Variants in CNTN5 observed in about 807,000 individuals in gnomAD.
CNTN5 encodes contactin 5, also known as contactin-5.
CNTN5 carries 77 observed loss-of-function variants against 129.1 expected under a neutral mutation model. The ratio of observed to expected loss-of-function variants is 0.60; its 90% confidence interval spans 0.50 to 0.72. The LOEUF is 0.72. Among genes scored for constraint, CNTN5 ranks in the 30% least tolerant of loss-of-function variants. The probability of loss-of-function intolerance (pLI) is 0.00; values close to 1 mark genes in which losing one functional copy is unlikely to be tolerated. For synonymous variants in CNTN5, 509 were observed against 465.6 expected, an observed-to-expected ratio of 1.09 and a Z score of -1.20; for missense variants, 1,478 against 1,328.8, an observed-to-expected ratio of 1.11 and a Z score of -1.75.
rs1162353167 is a variant in CNTN5 at position 99,389,011 on chromosome 11, T to TTTTAC, written c.-71+63531_-71+63532insCTTTA. On this transcript the variant is annotated intron_variant, in intron 2 of 24. Coordinates refer to ENST00000524871, the MANE Select transcript of CNTN5 (RefSeq NM_014361.4). ...TTTTATTTTATTTTATTTTATTTTA[T>TTTTAC]TTTATTTTATTTTATTTTATTTTAT... Among the ~76,000 whole-genome samples the TTTTAC allele has an allele frequency of 2.6e-4, 38 of 148,632 alleles. 1 individual carries two copies. In the Admixed American group the frequency reaches 2.6e-3, roughly 10 times the overall value.
chr11:99,349,071 A>G (rs915572211), intron 2 of CNTN5, among the ~76,000 whole-genome samples: 2 of 152,198 alleles, frequency 1.3e-5, no homozygotes, highest in Non-Finnish European at 2.9e-5. Context: ...AGATGGTGGT[A>G]AGTGCTATAG....
intron 9 of CNTN5, among the ~76,000 whole-genome samples, chr11:100,006,388 C>A (rs1417786741): frequency 6.6e-6 from 1 of 152,098 alleles, no homozygotes; most frequent in Non-Finnish European, 1.5e-5. Flanking sequence ...AGTAGAACTT[C>A]TTTCAAAATT....
At chr11:99,579,287 G>A (rs1369159390) in intron 3 of CNTN5, among the ~76,000 whole-genome samples, 1 of 150,220 alleles carries the variant, frequency 6.7e-6, no homozygotes, top group Non-Finnish European at 1.5e-5. Context: ...TTGTTCTTTT[G>A]GCTTAGGATT....
chr11:99,874,403 C>T (rs1033035238), intron 6 of CNTN5, among the ~76,000 whole-genome samples: 3 of 152,134 alleles, frequency 2.0e-5, no homozygotes, highest in African/African-American at 7.2e-5. Context: ...GTATTTCCCA[C>T]ACATTGGCAG....
intron 3 of CNTN5, among the ~76,000 whole-genome samples, chr11:99,732,587 A>G (rs546854204): frequency 6.6e-6 from 1 of 152,348 alleles, no homozygotes; most frequent in Non-Finnish European, 1.5e-5. Context: ...CAGGTAAAGC[A>G]TCAGCTAAAG....
intron 1 of CNTN5, among the ~76,000 whole-genome samples, chr11:99,141,614 A>G (rs962826587): frequency 2.0e-5 from 3 of 152,102 alleles, no homozygotes; most frequent in African/African-American, 7.2e-5. Context: ...TGAGATCTTT[A>G]TAAATTTTTA....
At chr11:99,949,125 T>C (rs1037731188) in intron 7 of CNTN5, among the ~76,000 whole-genome samples, 46 of 152,208 alleles carry the variant, frequency 3.0e-4, no homozygotes, top group African/African-American at 1.1e-3. Context: ...CTTACCTCGC[T>C]TCTCTTAGTT....
intron 2 of CNTN5, among the ~76,000 whole-genome samples, chr11:99,369,181 A>T (rs1364439063): frequency 2.2e-5 from 3 of 135,756 alleles, no homozygotes; most frequent in Non-Finnish European, 4.6e-5. Flanking sequence ...TATATATATA[A>T]TATATATAAT....
chr11:99,556,554 AATAT>A (rs199758207), intron 3 of CNTN5, among the ~76,000 whole-genome samples: 2,118 of 72,290 alleles, frequency 0.029, 56 homozygotes, highest in African/African-American at 0.067. Flanking sequence ...AAGGCTTGGA[AATAT>A]ATATATATAT....
chr11:99,615,652 C>T (rs1271465514), intron 3 of CNTN5, among the ~76,000 whole-genome samples: 3 of 152,228 alleles, frequency 2.0e-5, no homozygotes, highest in East Asian at 1.9e-4. Flanking sequence ...CAACTAGTTA[C>T]CCCTACTGGT....
chr11:100,091,477 A>G (rs1334389171), intron 13 of CNTN5, among the ~76,000 whole-genome samples: 3 of 130,514 alleles, frequency 2.3e-5, no homozygotes, highest in Non-Finnish European at 3.1e-5. Flanking sequence ...TGCCCAGGCT[A>G]GAGCGTACTG....
chr11:100,267,317 T>G (rs888216947), intron 17 of CNTN5, among the ~76,000 whole-genome samples: 2 of 150,148 alleles, frequency 1.3e-5, no homozygotes, highest in African/African-American at 4.9e-5. Context: ...CAAGCTCAAG[T>G]GTCCCATCCT....
chr11:100,096,670 C>T (rs1945022228), intron 13 of CNTN5, among the ~76,000 whole-genome samples: 1 of 152,072 alleles, frequency 6.6e-6, no homozygotes, highest in South Asian at 2.1e-4. Flanking sequence ...ATCCAGTTCC[C>T]AAGTACACCT....
intron 4 of CNTN5, among the ~76,000 whole-genome samples, chr11:99,829,458 G>A (rs990420128): frequency 6.6e-6 from 1 of 152,176 alleles, no homozygotes; most frequent in Non-Finnish European, 1.5e-5. Flanking sequence ...TGATTGAGGT[G>A]AAGAGATACA....
At chr11:100,274,098 T>C (rs1050751775) in intron 18 of CNTN5, among the ~76,000 whole-genome samples, 1 of 151,982 alleles carries the variant, frequency 6.6e-6, no homozygotes, top group African/African-American at 2.4e-5. Context: ...TTTCGACAAA[T>C]CTGACAAAAA....
intron 2 of CNTN5, among the ~76,000 whole-genome samples, chr11:99,478,055 ATCTTT>A (rs1184152185): frequency 6.6e-6 from 1 of 152,054 alleles, no homozygotes; most frequent in African/African-American, 2.4e-5. Flanking sequence ...TATTTCAAAT[ATCTTT>A]TCTTTATTTA....
intron 1 of CNTN5, among the ~76,000 whole-genome samples, chr11:99,233,406 G>A (rs1861103716): frequency 6.6e-6 from 1 of 152,106 alleles, no homozygotes; most frequent in Non-Finnish European, 1.5e-5. Context: ...GAAATACTGG[G>A]GTGTTATTGA....
At chr11:100,008,717 G>T (rs574623812) in intron 9 of CNTN5, among the ~76,000 whole-genome samples, 2 of 152,060 alleles carry the variant, frequency 1.3e-5, no homozygotes, top group South Asian at 2.1e-4. Flanking sequence ...TTCACTATTC[G>T]CCTTTTTGGT....
At chr11:100,081,220 A>G (rs1043807551) in intron 13 of CNTN5, among the ~76,000 whole-genome samples, 2 of 152,152 alleles carry the variant, frequency 1.3e-5, no homozygotes, top group African/African-American at 4.8e-5. Flanking sequence ...ATAAAAGGAA[A>G]GAAAACACAG....
Sources: allele counts gnomAD v4.1 joint callset (sites outside exome capture counted in the v4.1 genomes callset), GRCh38; gene constraint gnomAD v4.1.1; transcripts MANE v1.5; gene names NCBI Gene and HGNC (gene_info 2026-07-23, HGNC 2026-07-21).